The following AUTS2 variants were observed in gnomAD, a reference collection of about 807,000 sequenced individuals.
AUTS2 encodes autism susceptibility gene 2 protein.
Under a neutral mutation model 112.4 loss-of-function variants are expected in AUTS2, and 17 were observed. The observed-to-expected ratio is 0.15, with a 90% CI of 0.10 to 0.23. The LOEUF (loss-of-function observed/expected upper bound fraction) is 0.23. Among genes scored for constraint, AUTS2 ranks in the 10% least tolerant of loss-of-function variants. The pLI is 1.00. For missense variants in AUTS2, 1,510 were observed against 1,701.6 expected, an observed-to-expected ratio of 0.89 and a Z score of 1.98; for synonymous variants, 751 against 702.7, an observed-to-expected ratio of 1.07 and a Z score of -1.09.
In AUTS2 at chr7:70,786,006, A is replaced by G. The variant is rs201229021; in HGVS notation, c.2276A>G (p.Asn759Ser). The G allele has an allele frequency of 3.2e-5, 52 of 1,614,156 alleles. No homozygotes were observed. The Admixed American group carries it at 7.0e-4, about 22-fold the overall frequency. Residue 759 changes from asparagine (N) to serine (S), a missense_variant, in exon 17 of 19, where the codon AAT becomes AGT. Asn to Ser is a conservative substitution (Grantham distance 46, BLOSUM62 1). Transcript: ENST00000342771. ...TFTGLAAVGG[N>S]AFGGLGNPSV... ...ACAGGCCTAGCAGCAGTTGGTGGCA[A>G]TGCCTTCGGGGGACTTGGAAATCCT...
At chr7:70,064,705 C>A (rs1305100296) in intron 2 of AUTS2, among the ~76,000 whole-genome samples, 1 of 152,096 alleles carries the variant, frequency 6.6e-6, no homozygotes, top group Non-Finnish European at 1.5e-5. Flanking sequence ...AGACACCTCC[C>A]AAAATGGATG....
intron 4 of AUTS2, among the ~76,000 whole-genome samples, chr7:70,170,159 ATT>A (rs34556589): frequency 3.0e-4 from 40 of 132,800 alleles, no homozygotes; most frequent in Admixed American, 4.6e-4. Flanking sequence ...AAATGCAAGT[ATT>A]TTTTTTTTTT....
At chr7:69,803,112 T>C (rs564958110) in intron 1 of AUTS2, among the ~76,000 whole-genome samples, 5 of 152,352 alleles carry the variant, frequency 3.3e-5, no homozygotes, top group African/African-American at 1.2e-4. Flanking sequence ...GGGTGGTTTT[T>C]AGCTCCTCCC....
At chr7:70,499,545 A>G (rs558191422) in intron 5 of AUTS2, among the ~76,000 whole-genome samples, 2 of 152,336 alleles carry the variant, frequency 1.3e-5, no homozygotes, top group South Asian at 4.1e-4. Context: ...TCTTCTTCCA[A>G]TTACGTACCA....
intron 6 of AUTS2, among the ~76,000 whole-genome samples, chr7:70,743,988 C>T (rs6460552): frequency 0.36 from 54,244 of 151,176 alleles, 9,873 homozygotes; most frequent in Admixed American, 0.46. Context: ...CCCCCACCCC[C>T]GCCCCAGCCC....
chr7:70,118,356 C>A, intron 3 of AUTS2, 123 bp downstream of exon 3: 1 of 1,160,708 alleles, frequency 8.6e-7, no homozygotes, highest in Non-Finnish European at 1.2e-6. Context: ...TTTGTCTACC[C>A]AAGCATTGCG....
chr7:70,630,312 CTAT>C (rs1805191525), intron 5 of AUTS2, among the ~76,000 whole-genome samples: 2 of 152,102 alleles, frequency 1.3e-5, no homozygotes, highest in Non-Finnish European at 2.9e-5. Context: ...AAAGCACAGC[CTAT>C]TTTCCCTCTT....
chr7:70,400,288 T>TTCTA (rs1410950462), intron 4 of AUTS2, among the ~76,000 whole-genome samples: 1 of 152,166 alleles, frequency 6.6e-6, no homozygotes, highest in African/African-American at 2.4e-5. Flanking sequence ...TGATAGAACA[T>TTCTA]GTATGAGACA....
intron 10 of AUTS2, among the ~76,000 whole-genome samples, chr7:70,768,560 T>C (rs182036174): frequency 3.1e-4 from 47 of 152,328 alleles, no homozygotes; most frequent in African/African-American, 1.1e-3. Flanking sequence ...CTGGTATTGT[T>C]CTGTTGAGTT....
chr7:70,785,428 T>C (rs761933089), intron 16 of AUTS2: 39 of 482,382 alleles, frequency 8.1e-5, no homozygotes, highest in African/African-American at 6.8e-4. Flanking sequence ...AGAGGAGTTA[T>C]TCTACATCTC....
intron 1 of AUTS2, among the ~76,000 whole-genome samples, chr7:69,654,674 G>A (rs1207277226): frequency 1.3e-5 from 2 of 152,102 alleles, no homozygotes; most frequent in African/African-American, 2.4e-5. Context: ...AAAGGTTTTC[G>A]AGGTCACTGC....
At chr7:70,366,287 CA>C (rs1378312132) in intron 4 of AUTS2, among the ~76,000 whole-genome samples, 1 of 151,900 alleles carries the variant, frequency 6.6e-6, no homozygotes, top group Non-Finnish European at 1.5e-5. Flanking sequence ...CAAACATGAA[CA>C]AAATTGACAA....
chr7:70,046,630 A>G (rs745392495), intron 2 of AUTS2, among the ~76,000 whole-genome samples: 15 of 152,208 alleles, frequency 9.9e-5, no homozygotes, highest in Non-Finnish European at 2.1e-4. Flanking sequence ...GAGCTCATTT[A>G]TTGGAACATA....
chr7:70,495,107 A>C (rs770493949), intron 5 of AUTS2, among the ~76,000 whole-genome samples: 1 of 151,958 alleles, frequency 6.6e-6, no homozygotes, highest in Non-Finnish European at 1.5e-5. Context: ...GTAGGGTGAT[A>C]TTTTCCTTGG....
At chr7:70,392,852 T>C (rs757400433) in intron 4 of AUTS2, among the ~76,000 whole-genome samples, 28 of 152,228 alleles carry the variant, frequency 1.8e-4, no homozygotes, top group Non-Finnish European at 3.5e-4. Context: ...AGTGAGGTTT[T>C]CAGCTTCCTG....
chr7:69,961,303 A>C (rs915363463), intron 2 of AUTS2, among the ~76,000 whole-genome samples: 1 of 152,010 alleles, frequency 6.6e-6, no homozygotes, highest in Non-Finnish European at 1.5e-5. Flanking sequence ...AACTCCCTCT[A>C]TCTCTGATAA....
chr7:70,508,223 A>G (rs1321620629), intron 5 of AUTS2, among the ~76,000 whole-genome samples: 5 of 152,044 alleles, frequency 3.3e-5, no homozygotes, highest in Admixed American at 1.3e-4. Context: ...AGTGGGACCC[A>G]TTAGAGCCTG....
At chr7:69,701,678 G>A (rs1016226774) in intron 1 of AUTS2, among the ~76,000 whole-genome samples, 1 of 152,200 alleles carries the variant, frequency 6.6e-6, no homozygotes, top group Non-Finnish European at 1.5e-5. Context: ...ATGCTAATTA[G>A]CATTTCTGTA....
intron 5 of AUTS2, among the ~76,000 whole-genome samples, chr7:70,657,660 T>C (rs1250437263): frequency 6.6e-6 from 1 of 152,222 alleles, no homozygotes; most frequent in African/African-American, 2.4e-5. Flanking sequence ...TTTTTTCCCC[T>C]AGCGTCACTC....
Sources: allele counts gnomAD v4.1 joint callset (sites outside exome capture counted in the v4.1 genomes callset), GRCh38; gene constraint gnomAD v4.1.1; transcripts MANE v1.5; gene names NCBI Gene and HGNC (gene_info 2026-07-23, HGNC 2026-07-21).